CDK19: variants seen among roughly 807,000 people sequenced by gnomAD.
CDK19 encodes cyclin-dependent kinase 19.
Under a neutral mutation model 68.3 loss-of-function variants are expected in CDK19, and 20 were observed. The observed-to-expected ratio is 0.29, with a 90% CI of 0.21 to 0.43. The LOEUF is 0.43. Ranked by LOEUF, CDK19 falls within the 20% of genes least tolerant of loss-of-function variation. The pLI, the probability that CDK19 is intolerant of heterozygous loss-of-function variation, is 1.00. For synonymous variants in CDK19, 221 were observed against 222.8 expected (o/e 0.99, Z 0.07); for missense variants, 339 against 623.5 (o/e 0.54, Z 4.86).
Position 110,622,912 on chromosome 6 carries a change from G to A in CDK19, c.934C>T (p.Leu312Phe), listed in dbSNP as rs1433795864. 1.3e-6 allele frequency: 2 copies of A among 1,594,032 alleles called. No homozygotes were observed. The highest frequency in any genetic ancestry group is 3.3e-5 in the Admixed American group (2 of 59,984). The change falls in exon 10 of 13, where the codon CTT becomes TTT. Residue 312 changes from leucine (L) to phenylalanine (F), a missense_variant and splice_region_variant. Around this residue, in one of 4 missense-constraint regions of CDK19, gnomAD observed 63 missense variants for 156.5 expected, o/e 0.40. Transcript: ENST00000368911. The stretch of plus-strand genomic sequence containing the variant: ...GGATCCATGGTCAGGAGTTTCTGAA[G>A]CTAGAGTGACACACAGGAAATGTAC... ...VKPDSKVFLL[L>F]QKLLTMDPTK...
At chr6:110,623,066 G>A (rs1022932472) in intron 9 of CDK19, among the ~76,000 whole-genome samples, 154 bp from the exon 10 acceptor site, 8 of 152,118 alleles carry the variant, frequency 5.3e-5, no homozygotes, top group Admixed American at 1.3e-4. Context: ...ATGTGAAATT[G>A]GCAGAAATCA....
At chr6:110,769,105 A>G (rs1779798579) in intron 1 of CDK19, among the ~76,000 whole-genome samples, 1 of 144,336 alleles carries the variant, frequency 6.9e-6, no homozygotes, top group Non-Finnish European at 1.5e-5. Context: ...CAGTAAGCCA[A>G]GATTGTACCA....
intron 1 of CDK19, among the ~76,000 whole-genome samples, chr6:110,793,403 T>C (rs1166912467): frequency 1.3e-5 from 2 of 152,246 alleles, no homozygotes; most frequent in Admixed American, 1.3e-4. Context: ...ATCAGCATTA[T>C]AAGGCTTTGC....
intron 8 of CDK19, among the ~76,000 whole-genome samples, chr6:110,624,071 A>G (rs1299934383): frequency 2.0e-5 from 3 of 151,864 alleles, no homozygotes; most frequent in African/African-American, 7.2e-5. Context: ...AGAAAAAGCA[A>G]GTTGCAGAAG....
chr6:110,702,692 C>T (rs930620690), intron 2 of CDK19, among the ~76,000 whole-genome samples: 4 of 151,676 alleles, frequency 2.6e-5, no homozygotes, highest in East Asian at 3.9e-4. Context: ...TCTGTATTGT[C>T]GATATGGAAA....
chr6:110,654,100 G>T (rs576309616), intron 4 of CDK19, among the ~76,000 whole-genome samples: 2 of 152,128 alleles, frequency 1.3e-5, no homozygotes, highest in African/African-American at 4.8e-5. Context: ...GAACAGTGCC[G>T]GCTTGATATT....
intron 2 of CDK19, among the ~76,000 whole-genome samples, chr6:110,678,809 G>A (rs913246564): frequency 3.3e-5 from 5 of 152,180 alleles, no homozygotes; most frequent in Non-Finnish European, 7.3e-5. Flanking sequence ...ACACATAACT[G>A]ATAACGATGC....
intron 2 of CDK19, among the ~76,000 whole-genome samples, chr6:110,672,603 C>T (rs1771114545): frequency 6.6e-6 from 1 of 152,136 alleles, no homozygotes; most frequent in African/African-American, 2.4e-5. Context: ...TTATTAATTG[C>T]TTATTTTCCT....
At chr6:110,687,947 A>C (rs1009942769) in intron 2 of CDK19, among the ~76,000 whole-genome samples, 1 of 152,236 alleles carries the variant, frequency 6.6e-6, no homozygotes, top group Non-Finnish European at 1.5e-5. Flanking sequence ...GCTTGAAAAT[A>C]AATTATGTAC....
chr6:110,805,929 G>A (rs1284831837), intron 1 of CDK19, among the ~76,000 whole-genome samples: 1 of 149,026 alleles, frequency 6.7e-6, no homozygotes, highest in African/African-American at 2.5e-5. Context: ...GAGGTACAGT[G>A]AGCCAAGATC....
At chr6:110,695,843 A>C (rs965734645) in intron 2 of CDK19, among the ~76,000 whole-genome samples, 8 of 152,096 alleles carry the variant, frequency 5.3e-5, no homozygotes, top group African/African-American at 1.9e-4. Context: ...TGAGATTAAA[A>C]TAGTAATTAA....
chr6:110,733,716 C>CA (rs1776941619), intron 2 of CDK19, among the ~76,000 whole-genome samples: 2 of 151,616 alleles, frequency 1.3e-5, no homozygotes, highest in Admixed American at 1.3e-4. Flanking sequence ...CGCTAAAACA[C>CA]AAAAAACATA....
chr6:110,750,054 G>C (rs1487068970), intron 1 of CDK19, among the ~76,000 whole-genome samples: 5 of 145,858 alleles, frequency 3.4e-5, no homozygotes, highest in African/African-American at 1.3e-4. Context: ...ATAGGCGTGA[G>C]CCACTGCGCC....
chr6:110,781,296 AT>A (rs1183316707), intron 1 of CDK19, among the ~76,000 whole-genome samples: 1 of 152,086 alleles, frequency 6.6e-6, no homozygotes. Context: ...GAGAGGAGGG[AT>A]ATCCCAGATT....
chr6:110,644,306 A>T (rs1277541704), intron 4 of CDK19, among the ~76,000 whole-genome samples: 1 of 151,974 alleles, frequency 6.6e-6, no homozygotes, highest in South Asian at 2.1e-4. Context: ...AAAAAAAAAA[A>T]TTAAAAAAAT....
In CDK19 at chr6:110,743,740, C is replaced by T. The variant is rs146849079; in HGVS notation, c.204+2386G>A. Among the ~76,000 whole-genome samples the T allele has an allele frequency of 5.6e-3, 852 of 152,192 alleles. 6 individuals are homozygous for T. Among genetic ancestry groups the T allele is most frequent in the Middle Eastern group, 0.024 (7 of 294 alleles). On this transcript the variant is annotated intron_variant, in intron 2 of 12. Coordinates refer to ENST00000368911, the MANE Select transcript of CDK19 (RefSeq NM_015076.5). ...TAAAGACACACATGCCCATGGATTC[C>T]CTGGCACATAGAAGTCTCTGTTTCA...
intron 2 of CDK19, among the ~76,000 whole-genome samples, chr6:110,697,648 TAA>T (rs1017712095): frequency 7.3e-6 from 1 of 136,912 alleles, no homozygotes; most frequent in Non-Finnish European, 1.6e-5. Flanking sequence ...TTCACAGAAC[TAA>T]AAAAAAAAAG....
intron 2 of CDK19, among the ~76,000 whole-genome samples, chr6:110,743,822 G>A (rs1777861080): frequency 1.3e-5 from 2 of 151,922 alleles, no homozygotes; most frequent in Admixed American, 6.6e-5. Flanking sequence ...TAAAATTTCA[G>A]CTATTTACCC....
At chr6:110,647,174 C>T (rs1245949966) in intron 4 of CDK19, among the ~76,000 whole-genome samples, 2 of 152,112 alleles carry the variant, frequency 1.3e-5, no homozygotes, top group African/African-American at 2.4e-5. Context: ...GGTAGCGCAC[C>T]GTCCAGCTGG....
Sources: gnomAD v4.1 joint callset for allele counts (sites outside exome capture counted in the v4.1 genomes callset) on GRCh38, gnomAD v4.1.1 for gene constraint, gnomAD v4.1.1 regional missense constraint, MANE v1.5 for transcripts, NCBI Gene and HGNC (gene_info 2026-07-23, HGNC 2026-07-21) for gene names.